The following KHDRBS2 variants were observed in gnomAD, a reference collection of about 807,000 sequenced individuals.
The protein encoded by KHDRBS2 is KH domain-containing, RNA-binding, signal transduction-associated protein 2.
In KHDRBS2, 26 loss-of-function variants were observed where a neutral mutation model predicts 44.3. The ratio of observed to expected loss-of-function variants is 0.59; its 90% CI spans 0.43 to 0.81. The LOEUF is 0.81. Among genes scored for constraint, KHDRBS2 ranks in the 40% least tolerant of loss-of-function variants. KHDRBS2 has a pLI of 0.00. For missense variants in KHDRBS2, 476 were observed against 433.1 expected (o/e 1.10, Z -0.88); for synonymous variants, 194 against 151.1 (o/e 1.28, Z -2.08).
In KHDRBS2 at chr6:62,054,433, G is replaced by T. The variant is rs115851026; in HGVS notation, c.220-6439C>A. On this transcript the variant is annotated intron_variant, in intron 2 of 8. Coordinates refer to ENST00000281156, the MANE Select transcript of KHDRBS2 (RefSeq NM_152688.4). ...GTTACAGATCACTGACTGAATAATG[G>T]TCCCCTAAAGATGTCCATGTTCTAA... Among the ~76,000 whole-genome samples, 584 of 152,092 alleles carry T rather than the reference G, an allele frequency of 3.8e-3. 2 individuals carry two copies. The highest frequency in any genetic ancestry group is 0.014 in the African/African-American group (565 of 41,530).
At chr6:61,574,794 A>G in the KHDRBS2 span, among the ~76,000 whole-genome samples, 1 of 152,122 alleles carries the variant, frequency 6.6e-6, no homozygotes, top group Non-Finnish European at 1.5e-5. Flanking sequence ...CCGTAATCCC[A>G]GCTGCTTTGG....
At chr6:61,966,704 C>G (rs1459298584) in intron 4 of KHDRBS2, among the ~76,000 whole-genome samples, 2 of 152,120 alleles carry the variant, frequency 1.3e-5, no homozygotes, top group East Asian at 3.9e-4. Flanking sequence ...CTAACTGTAA[C>G]TTTATTGTTG....
At chr6:61,686,087 A>G (rs1416279337) in intron 8 of KHDRBS2, among the ~76,000 whole-genome samples, 2 of 151,766 alleles carry the variant, frequency 1.3e-5, no homozygotes, top group East Asian at 1.9e-4. Flanking sequence ...GAGCTTACTG[A>G]GTGCAGTCAT....
intron 2 of KHDRBS2, among the ~76,000 whole-genome samples, chr6:62,114,889 G>A (rs1805845046): frequency 6.6e-6 from 1 of 151,006 alleles, no homozygotes; most frequent in Non-Finnish European, 1.5e-5. Flanking sequence ...AGAAATTTAT[G>A]TTAAAAATGG....
intron 2 of KHDRBS2, among the ~76,000 whole-genome samples, chr6:62,129,010 T>G (rs1809629817): frequency 6.6e-6 from 1 of 152,084 alleles, no homozygotes; most frequent in African/African-American, 2.4e-5. Flanking sequence ...TATCACTGAA[T>G]GATAAATAGG....
chr6:61,669,673 G>A, the KHDRBS2 span, among the ~76,000 whole-genome samples: 1 of 150,958 alleles, frequency 6.6e-6, no homozygotes, highest in Non-Finnish European at 1.5e-5. Flanking sequence ...AAACTTGGGA[G>A]AATATACACA....
chr6:61,826,293 C>T lies in KHDRBS2; in HGVS notation c.810+68342G>A, dbSNP rs143466740. Among the ~76,000 whole-genome samples, 729 of 152,182 alleles carry T rather than the reference C, an allele frequency of 4.8e-3. 6 individuals carry two copies. Among genetic ancestry groups the T allele is most frequent in the Middle Eastern group, 0.014 (4 of 294 alleles). On this transcript the variant is annotated intron_variant, in intron 6 of 8. Coordinates refer to ENST00000281156, the MANE Select transcript of KHDRBS2 (RefSeq NM_152688.4). ...CCAAGCTCTCTTAACACCTGGCTTT[C>T]TCCTATGTTAAGCCAGGAGCAGGCA...
At chr6:61,636,755 T>G in the KHDRBS2 span, among the ~76,000 whole-genome samples, 1 of 152,100 alleles carries the variant, frequency 6.6e-6, no homozygotes, top group South Asian at 2.1e-4. Flanking sequence ...AATTCAATCT[T>G]ACACCTCTAT....
intron 7 of KHDRBS2, among the ~76,000 whole-genome samples, chr6:61,712,592 A>C (rs955046097): frequency 2.0e-5 from 3 of 151,848 alleles, no homozygotes; most frequent in Non-Finnish European, 4.4e-5. Context: ...ACCAGTTTAA[A>C]GTTTGGACCT....
the KHDRBS2 span, among the ~76,000 whole-genome samples, chr6:61,618,090 TTTGTTG>T: frequency 1.3e-5 from 2 of 152,040 alleles, no homozygotes; most frequent in South Asian, 4.1e-4. Context: ...AAGCAATGTT[TTTGTTG>T]TTGTTGTTGT....
intron 2 of KHDRBS2, among the ~76,000 whole-genome samples, chr6:62,073,205 T>G (rs1795596383): frequency 6.6e-6 from 1 of 151,870 alleles, no homozygotes; most frequent in African/African-American, 2.4e-5. Context: ...GAATTTTCAT[T>G]GTGGGAGTTT....
At chr6:61,582,053 T>G in the KHDRBS2 span, among the ~76,000 whole-genome samples, 3 of 151,900 alleles carry the variant, frequency 2.0e-5, no homozygotes, top group Non-Finnish European at 2.9e-5. Context: ...TTACAACTTC[T>G]AATTATTTAA....
chr6:61,949,103 C>G (rs937740818), intron 4 of KHDRBS2, among the ~76,000 whole-genome samples: 31 of 152,172 alleles, frequency 2.0e-4, no homozygotes, highest in African/African-American at 6.5e-4. Context: ...CATCCAGGAC[C>G]AGGCCCCATG....
intron 2 of KHDRBS2, among the ~76,000 whole-genome samples, chr6:62,131,460 G>T (rs1810299206): frequency 6.6e-6 from 1 of 152,196 alleles, no homozygotes; most frequent in Non-Finnish European, 1.5e-5. Context: ...TGTGAAGCTA[G>T]CAGCATCAAG....
At chr6:61,784,034 T>C (rs1359037967) in intron 6 of KHDRBS2, among the ~76,000 whole-genome samples, 1 of 151,978 alleles carries the variant, frequency 6.6e-6, no homozygotes, top group Non-Finnish European at 1.5e-5. Flanking sequence ...AAGTTTTCTT[T>C]AATTCAGTTA....
the KHDRBS2 span, among the ~76,000 whole-genome samples, chr6:61,650,840 T>C: frequency 8.5e-5 from 13 of 152,196 alleles, no homozygotes; most frequent in Non-Finnish European, 1.5e-4. Flanking sequence ...AGGAAAAGTT[T>C]TCTATTGGGG....
At chr6:61,736,129 C>A (rs1225047012) in intron 6 of KHDRBS2, among the ~76,000 whole-genome samples, 1 of 144,660 alleles carries the variant, frequency 6.9e-6, no homozygotes, top group Middle Eastern at 3.3e-3. Flanking sequence ...ATAACCCTTA[C>A]TAGTGAGATT....
chr6:62,077,213 C>T (rs1328636120), intron 2 of KHDRBS2, among the ~76,000 whole-genome samples: 6 of 152,074 alleles, frequency 3.9e-5, no homozygotes, highest in South Asian at 2.1e-4. Context: ...TAAGTTCATT[C>T]TTTTATTCTT....
At chr6:62,101,387 T>TG (rs1269099830) in intron 2 of KHDRBS2, among the ~76,000 whole-genome samples, 2 of 152,076 alleles carry the variant, frequency 1.3e-5, no homozygotes, top group African/African-American at 2.4e-5. Context: ...TTGGATTTCA[T>TG]GGGGTAAAAT....
Sources: gnomAD v4.1 joint callset for allele counts (sites outside exome capture counted in the v4.1 genomes callset) on GRCh38, gnomAD v4.1.1 for gene constraint, MANE v1.5 for transcripts, NCBI Gene and HGNC (gene_info 2026-07-23, HGNC 2026-07-21) for gene names.